The following IQSEC1 variants were observed in gnomAD, a reference collection of about 807,000 sequenced individuals.
IQSEC1 encodes IQ motif and Sec7 domain ArfGEF 1, also known as IQ motif and SEC7 domain-containing protein 1.
IQSEC1 carries 31 observed loss-of-function variants against 91.0 expected under a neutral mutation model. That is an observed-to-expected ratio of 0.34 (90% CI 0.26 to 0.46). The LOEUF (loss-of-function observed/expected upper bound fraction) is 0.46, where lower values mean the gene tolerates loss of function less well. IQSEC1 is among the 20% of genes least tolerant of loss of function. The pLI is 1.00. For synonymous variants in IQSEC1, 699 were observed against 662.6 expected (o/e 1.05, Z -0.84); for missense variants, 1,388 against 1,575.6 (o/e 0.88, Z 2.02).
At chr3:13,149,334 A>G (rs1706951292) in intron 2 of IQSEC1, among the ~76,000 whole-genome samples, 1 of 150,370 alleles carries the variant, frequency 6.7e-6, no homozygotes. Context: ...CGTCCTGAAG[A>G]GCAGACCTCC....
Position 13,147,858 on chromosome 3 carries a change from C to T in IQSEC1, c.302+16246G>A, listed in dbSNP as rs191385885. Among the ~76,000 whole-genome samples the T allele has an allele frequency of 5.9e-5, 9 of 152,328 alleles. No homozygotes were observed. The East Asian group carries it at 1.5e-3, about 26-fold the overall frequency. ...ATGTTGGCCAGGCTGGTCTCGAACT[C>T]CTGACCTCAGGTGATCTGCCCGCCT... On this transcript the variant is annotated intron_variant, in intron 2 of 15. Coordinates refer to the IQSEC1 transcript ENST00000648114.
chr3:12,978,568 T>C (rs183949567), intron 1 of IQSEC1, among the ~76,000 whole-genome samples: 55 of 151,706 alleles, frequency 3.6e-4, no homozygotes, highest in African/African-American at 1.3e-3. Flanking sequence ...TAGCCGGGCG[T>C]GGGGCGGGTG....
At chr3:13,253,186 C>T (rs991065706) in intron 1 of IQSEC1, among the ~76,000 whole-genome samples, 3 of 152,142 alleles carry the variant, frequency 2.0e-5, no homozygotes, top group African/African-American at 7.2e-5. Context: ...CCCCAATAGC[C>T]CTATAGGATA....
At chr3:13,227,618 G>C (rs1237569750) in intron 1 of IQSEC1, among the ~76,000 whole-genome samples, 1 of 152,068 alleles carries the variant, frequency 6.6e-6, no homozygotes, top group Admixed American at 6.5e-5. Flanking sequence ...GGAGGGACCA[G>C]GGCTGATGGG....
At chr3:13,045,184 C>A (rs1458188199) in intron 1 of IQSEC1, among the ~76,000 whole-genome samples, 2 of 152,260 alleles carry the variant, frequency 1.3e-5, no homozygotes, top group African/African-American at 4.8e-5. Context: ...ATGCTCCTCA[C>A]CCCTCCTGTG....
At chr3:13,115,422 A>T (rs1283556401) in intron 2 of IQSEC1, among the ~76,000 whole-genome samples, 1 of 152,196 alleles carries the variant, frequency 6.6e-6, no homozygotes, top group Non-Finnish European at 1.5e-5. Flanking sequence ...GTCTCTTGAC[A>T]GGTGTTCCTG....
chr3:13,186,525 T>TA (rs1231940665), intron 1 of IQSEC1, among the ~76,000 whole-genome samples: 2 of 152,102 alleles, frequency 1.3e-5, no homozygotes, highest in Non-Finnish European at 2.9e-5. Context: ...GCAGTTACTT[T>TA]AAAAAAAGAA....
chr3:13,063,903 A>G (rs1229140261), intron 1 of IQSEC1, among the ~76,000 whole-genome samples: 1 of 152,144 alleles, frequency 6.6e-6, no homozygotes, highest in Non-Finnish European at 1.5e-5. Context: ...GCTGTCCTCA[A>G]TTACCAGGGA....
At position 12,940,988 on chromosome 3, in the gene IQSEC1, G is replaced by A. The variant is rs1339912034; in HGVS notation, c.318+583C>T. Among the ~76,000 whole-genome samples the A allele has an allele frequency of 1.3e-5, 2 of 152,194 alleles. No individual in the cohort carries two copies. Among genetic ancestry groups the A allele is most frequent in the Non-Finnish European group, 2.9e-5 (2 of 68,022 alleles). ...CTGTGGGTCTGGGCCACCTCTAAGG[G>A]CCAAGGCCCCTGGGGGAGGGGTGCA... is the stretch of plus-strand genomic sequence containing the variant. On this transcript the variant is annotated intron_variant, in intron 2 of 13. Coordinates refer to ENST00000613206, the MANE Select transcript of IQSEC1 (RefSeq NM_001134382.3). The surrounding 1 kb of genome is among the most constrained non-coding windows in gnomAD (Gnocchi z 4.4).
chr3:13,057,219 C>T (rs746132343), intron 1 of IQSEC1, among the ~76,000 whole-genome samples: 4 of 152,200 alleles, frequency 2.6e-5, no homozygotes, highest in Admixed American at 6.5e-5. Flanking sequence ...CACAGCTCCC[C>T]GTGTGGACTG....
intron 1 of IQSEC1, among the ~76,000 whole-genome samples, chr3:13,265,276 G>T (rs1054655522): frequency 6.6e-6 from 1 of 151,492 alleles, no homozygotes. Flanking sequence ...CTAGGATCAG[G>T]GCCCAGCCCT....
At position 13,047,250 on chromosome 3, in the gene IQSEC1, G is replaced by A. The variant is rs1022100966; in HGVS notation, c.23+25742C>T. Among the ~76,000 whole-genome samples, 6 of 152,316 alleles carry A rather than the reference G, an allele frequency of 3.9e-5. 1 individual carries two copies. Among genetic ancestry groups the A allele is most frequent in the Admixed American group, 2.6e-4 (4 of 15,298 alleles). On this transcript the variant is annotated intron_variant, in intron 1 of 13. Coordinates refer to ENST00000613206, the MANE Select transcript of IQSEC1 (RefSeq NM_001134382.3). ...GGTCTTTGGGGGCAGAACTTCGACT[G>A]CAGTCCTGGTCTTTGGGGGGACCTT...
chr3:12,978,666 G>A (rs1439280512), intron 1 of IQSEC1, among the ~76,000 whole-genome samples: 1 of 151,224 alleles, frequency 6.6e-6, no homozygotes, highest in Non-Finnish European at 1.5e-5. Context: ...GATTGCACCA[G>A]TGCACTCCAA....
intron 1 of IQSEC1, among the ~76,000 whole-genome samples, chr3:13,025,731 G>A (rs1221044287): frequency 6.6e-6 from 1 of 152,194 alleles, no homozygotes; most frequent in African/African-American, 2.4e-5. Flanking sequence ...ACTCCCGCCT[G>A]GGGAACTGCA....
rs376217318 is a variant in IQSEC1, at chr3:13,232,547, A to G, written c.272+50164T>C. Among the ~76,000 whole-genome samples, 22 of 152,284 alleles carry G rather than the reference A, an allele frequency of 1.4e-4. 2 individuals are homozygous for G. The highest frequency in any genetic ancestry group is 9.1e-4 in the Admixed American group (14 of 15,302). ...TCTCACGGGGTGGTGACAAGCAGAG[A>G]GAGGACCCAGCCTGGCCCGGCTGCA... On this transcript the variant is annotated intron_variant, in intron 1 of 15. Coordinates refer to the IQSEC1 transcript ENST00000648114.
At chr3:13,105,739 G>A (rs1031909752) in intron 2 of IQSEC1, among the ~76,000 whole-genome samples, 5 of 152,020 alleles carry the variant, frequency 3.3e-5, no homozygotes, top group Non-Finnish European at 7.4e-5. Flanking sequence ...CTCCCTCCTC[G>A]TGAAGAGTAG....
rs528419450 is a variant in IQSEC1, at chr3:12,960,017, C to G, written c.24-18152G>C. On this transcript the variant is annotated intron_variant, in intron 1 of 13. Transcript: ENST00000613206. ...CACGTTCCTGCGACCGCACCTCCCC[C>G]TCCCCCAGCAGCAGAGGAAAGAGCT... Among the ~76,000 whole-genome samples the G allele has an allele frequency of 2.8e-4, 42 of 152,320 alleles. 3 individuals are homozygous for G. The South Asian group carries it at 8.3e-3, about 30-fold the overall frequency.
intron 1 of IQSEC1, among the ~76,000 whole-genome samples, chr3:13,009,336 G>A (rs1371781807): frequency 6.6e-6 from 1 of 152,148 alleles, no homozygotes; most frequent in Non-Finnish European, 1.5e-5. Flanking sequence ...TCCCCTTTGT[G>A]CCATGAGGGT....
At chr3:13,104,663 C>T (rs1343922925) in intron 2 of IQSEC1, among the ~76,000 whole-genome samples, 2 of 152,204 alleles carry the variant, frequency 1.3e-5, no homozygotes, top group South Asian at 2.1e-4. Context: ...GCCCTGGCTC[C>T]GGACTCAGCT....
Sources: allele counts gnomAD v4.1 joint callset (sites outside exome capture counted in the v4.1 genomes callset), GRCh38; gene constraint gnomAD v4.1.1; non-coding constraint Gnocchi (gnomAD v3.1); transcripts MANE v1.5; gene names NCBI Gene and HGNC (gene_info 2026-07-23, HGNC 2026-07-21).